Variants in IQSEC3 observed in about 807,000 individuals in gnomAD.
The protein encoded by IQSEC3 is IQ motif and Sec7 domain ArfGEF 3.
In IQSEC3, 50 loss-of-function variants were observed where a neutral mutation model predicts 105.4. That is an observed-to-expected ratio of 0.47 (90% CI 0.38 to 0.60). The LOEUF (loss-of-function observed/expected upper bound fraction) is 0.60, where lower values mean the gene tolerates loss of function less well. IQSEC3 is among the 20% of genes least tolerant of loss of function. The pLI, the probability that IQSEC3 is intolerant of heterozygous loss-of-function variation, is 0.00. For missense variants in IQSEC3, 1,415 were observed against 1,630.0 expected (o/e 0.87, Z 2.27); for synonymous variants, 708 against 746.0 (o/e 0.95, Z 0.83).
intron 1 of IQSEC3, among the ~76,000 whole-genome samples, chr12:78,208 C>G (rs1320489616): frequency 6.6e-6 from 1 of 151,464 alleles, no homozygotes; most frequent in Non-Finnish European, 1.5e-5. Context: ...CCCGCGTTCC[C>G]GGCCCGAGGG....
At chr12:123,885 A>G (rs1865297102) in intron 2 of IQSEC3, among the ~76,000 whole-genome samples, 1 of 152,152 alleles carries the variant, frequency 6.6e-6, no homozygotes, top group African/African-American at 2.4e-5. Context: ...GGGAGGCTGC[A>G]TTAGATGACC....
At chr12:105,425 G>C (rs1181577719) in intron 2 of IQSEC3, among the ~76,000 whole-genome samples, 3 of 152,232 alleles carry the variant, frequency 2.0e-5, no homozygotes, top group Non-Finnish European at 4.4e-5. Flanking sequence ...GGGACAGGGG[G>C]CTTGCTCCTG....
At chr12:166,335 C>A in intron 11 of IQSEC3, 1 of 170,794 alleles carries the variant, frequency 5.9e-6, no homozygotes, top group Non-Finnish European at 1.2e-5. Context: ...TTGAATCATC[C>A]CTCCACTTCA....
intron 1 of IQSEC3, among the ~76,000 whole-genome samples, chr12:74,102 C>T (rs1184357008): frequency 3.9e-5 from 6 of 152,280 alleles, no homozygotes; most frequent in Admixed American, 6.5e-5. Flanking sequence ...GGAGAAGGTA[C>T]ACTGACTTGT....
rs1555083140 is a variant in IQSEC3, at chr12:125,775, G to C, written c.766G>C (p.Gly256Arg). The C allele has an allele frequency of 6.6e-7, 1 of 1,513,948 alleles. No individual in the cohort carries two copies. Among genetic ancestry groups the C allele is most frequent in the East Asian group, 2.5e-5 (1 of 40,446 alleles). The allele number at this position is 1,513,948 out of a possible 1,614,324, so 93.8% of individuals were successfully genotyped here. A position where few individuals can be genotyped will look rare whatever the true frequency, so the allele number is the denominator to read the frequency against. ...LQEEEERPGA[G>R]AASPRAGPQH... is the part of the protein sequence containing the mutation. ...GGAGGAGGAGGAGCGGCCGGGGGCA[G>C]GGGCTGCCTCCCCAAGGGCTGGCCC... Residue 256 changes from glycine to arginine, a missense_variant, in exon 3 of 14, where the codon GGG (glycine) becomes CGG (arginine). Gly to Arg is a moderately radical substitution (Grantham distance 125). Around this residue, in one of 6 missense-constraint regions of IQSEC3, gnomAD observed 720 missense variants for 633.0 expected, o/e 1.14. Transcript: ENST00000538872.
intron 2 of IQSEC3, among the ~76,000 whole-genome samples, chr12:120,002 A>G (rs1454793679): frequency 6.6e-6 from 1 of 152,148 alleles, no homozygotes; most frequent in African/African-American, 2.4e-5. Flanking sequence ...AATAAATAAT[A>G]TCTACCTATC....
chr12:162,640 T>C (rs6489278), intron 8 of IQSEC3, among the ~76,000 whole-genome samples: 129,805 of 152,138 alleles, frequency 0.85, 55,800 homozygotes, highest in East Asian at 0.96. Context: ...AGTTTGGAGA[T>C]CTCTTCTGAG....
At chr12:167,245 C>G (rs945397008) in intron 11 of IQSEC3, 27 of 152,194 alleles carry the variant, frequency 1.8e-4, no homozygotes, top group African/African-American at 6.5e-4. Context: ...CTTGAAATGG[C>G]TTCACGTCTC....
intron 2 of IQSEC3, among the ~76,000 whole-genome samples, chr12:125,279 A>G (rs1338787107): frequency 6.6e-6 from 1 of 152,160 alleles, no homozygotes; most frequent in Non-Finnish European, 1.5e-5. Context: ...ATAGATGGAG[A>G]AACAGAGGTG....
At chr12:153,958 G>C (rs1269462869) in intron 5 of IQSEC3, among the ~76,000 whole-genome samples, 1 of 152,176 alleles carries the variant, frequency 6.6e-6, no homozygotes, top group African/African-American at 2.4e-5. Context: ...CTGGGGTGGG[G>C]TCCAGCGAGC....
chr12:75,078 T>C (rs1863466336), intron 1 of IQSEC3, among the ~76,000 whole-genome samples: 1 of 152,278 alleles, frequency 6.6e-6, no homozygotes, highest in African/African-American at 2.4e-5. Context: ...CGACTTTAGG[T>C]ACTTCAAGGT....
intron 12 of IQSEC3, among the ~76,000 whole-genome samples, chr12:170,647 C>G (rs931018908): frequency 6.6e-6 from 1 of 152,218 alleles, no homozygotes; most frequent in Non-Finnish European, 1.5e-5. Context: ...GAGCAGTTAT[C>G]GGCTCTCACC....
chr12:87,813 G>C (rs1029247848), intron 1 of IQSEC3, among the ~76,000 whole-genome samples: 2 of 152,238 alleles, frequency 1.3e-5, no homozygotes, highest in Non-Finnish European at 2.9e-5. Flanking sequence ...AAAGGTATCA[G>C]AAGTAGGACA....
At chr12:77,105 G>A (rs1555069375) in intron 1 of IQSEC3, among the ~76,000 whole-genome samples, 1 of 152,276 alleles carries the variant, frequency 6.6e-6, no homozygotes, top group Non-Finnish European at 1.5e-5. Context: ...TCTAGCCTCC[G>A]TGTTTCCCGC....
chr12:137,325 G>A (rs1004427103), intron 3 of IQSEC3: 1 of 152,172 alleles, frequency 6.6e-6, no homozygotes, highest in African/African-American at 2.4e-5. Flanking sequence ...GAGCTGTGAG[G>A]GTTTTTAGCA....
At chr12:84,060 C>T (rs1237119826) in intron 1 of IQSEC3, among the ~76,000 whole-genome samples, 1 of 152,178 alleles carries the variant, frequency 6.6e-6, no homozygotes, top group Non-Finnish European at 1.5e-5. Context: ...GCCTCTTACA[C>T]CCTGGCATAG....
At chr12:170,656 C>T (rs554963323) in intron 12 of IQSEC3, among the ~76,000 whole-genome samples, 2 of 152,340 alleles carry the variant, frequency 1.3e-5, no homozygotes, top group Admixed American at 1.3e-4. Flanking sequence ...TCGGCTCTCA[C>T]CGTGCCCGGC....
chr12:73,939 CTTCT>C (rs1863423499), intron 1 of IQSEC3, among the ~76,000 whole-genome samples: 1 of 152,276 alleles, frequency 6.6e-6, no homozygotes, highest in Non-Finnish European at 1.5e-5. Flanking sequence ...TTGGCAAAGG[CTTCT>C]TTAAGCCCAA....
intron 2 of IQSEC3, 30 bp downstream of exon 2, chr12:99,244 C>T: frequency 6.3e-7 from 1 of 1,584,648 alleles, no homozygotes; most frequent in Middle Eastern, 1.7e-4. Context: ...CTCCCTTCCG[C>T]ATCCCCACCT....
Sources: allele counts gnomAD v4.1 joint callset (sites outside exome capture counted in the v4.1 genomes callset), GRCh38; gene constraint gnomAD v4.1.1; regional missense constraint gnomAD v4.1.1; transcripts MANE v1.5; gene names NCBI Gene and HGNC (gene_info 2026-07-23, HGNC 2026-07-21).